The following IL13RA1 variants were observed in gnomAD, a reference collection of about 807,000 sequenced individuals.
IL13RA1 encodes interleukin 13 receptor subunit alpha 1.
A neutral mutation model predicts 33.8 loss-of-function variants in IL13RA1; 14 were observed. That is an observed-to-expected ratio of 0.41 (90% CI 0.27 to 0.65). The LOEUF (loss-of-function observed/expected upper bound fraction) is 0.65. Ranked by LOEUF, IL13RA1 falls within the 30% of genes least tolerant of loss-of-function variation. The probability of loss-of-function intolerance (pLI) is 0.28; values close to 1 mark genes in which losing one functional copy is unlikely to be tolerated. For synonymous variants in IL13RA1, 116 were observed against 115.7 expected (o/e 1.00, Z -0.02); for missense variants, 313 against 327.0 (o/e 0.96, Z 0.33).
At chrX:118,798,222 C>G (rs1037628943), downstream of IL13RA1, among the ~76,000 whole-genome samples, 1 of 111,533 alleles carries the variant, frequency 9.0e-6, no homozygotes, top group African/African-American at 3.3e-5. Flanking sequence ...TTAAAATAGT[C>G]AATATTTGCA....
intron 8 of IL13RA1, chrX:118,770,949 C>A (rs2147390292): frequency 4.2e-6 from 1 of 237,126 alleles, no homozygotes; most frequent in East Asian, 1.2e-4. Flanking sequence ...TCATCCTATT[C>A]CAACCTCTCC....
chrX:118,759,315 T>G (rs906360282), intron 5 of IL13RA1, among the ~76,000 whole-genome samples: 5 of 112,614 alleles, frequency 4.4e-5, no homozygotes, highest in Non-Finnish European at 5.6e-5. Flanking sequence ...CTAAAAAAAT[T>G]GTCATAAGGT....
chrX:118,752,047 G>T (rs1569455755), intron 4 of IL13RA1, among the ~76,000 whole-genome samples: 1 of 110,468 alleles, frequency 9.1e-6, no homozygotes, highest in Non-Finnish European at 1.9e-5. Context: ...GTTCTGTGTG[G>T]TTATGTCTGA....
At chrX:118,765,072 T>C (rs2017631809) in intron 6 of IL13RA1, among the ~76,000 whole-genome samples, 1 of 111,548 alleles carries the variant, frequency 9.0e-6, no homozygotes, top group Admixed American at 9.5e-5. Flanking sequence ...TTTAAAACTT[T>C]ATATAAATGG....
chrX:118,734,453 T>C (rs981100922), intron 1 of IL13RA1, among the ~76,000 whole-genome samples: 2 of 112,280 alleles, frequency 1.8e-5, no homozygotes, highest in Non-Finnish European at 3.8e-5. Context: ...GGGTGATGTT[T>C]ACTGTGGGTT....
chrX:118,791,095 A>AGGACC (rs995651113), intron 10 of IL13RA1, among the ~76,000 whole-genome samples: 2 of 111,321 alleles, frequency 1.8e-5, no homozygotes, highest in Non-Finnish European at 3.8e-5. Flanking sequence ...TACAGATGAG[A>AGGACC]GGACCGAGCT....
chrX:118,802,585 G>GA, the IL13RA1 span, among the ~76,000 whole-genome samples: 4 of 110,661 alleles, frequency 3.6e-5, no homozygotes, highest in Non-Finnish European at 5.7e-5. Context: ...GCTCACTTGT[G>GA]AAAAAAAAGG....
chrX:118,729,215 C>G (rs1019289672), intron 1 of IL13RA1, among the ~76,000 whole-genome samples: 4 of 111,677 alleles, frequency 3.6e-5, no homozygotes, highest in African/African-American at 1.3e-4. Context: ...CAGCACCCTC[C>G]CTCCTACAGA....
chrX:118,772,653 T>A (rs2017736502), intron 8 of IL13RA1, among the ~76,000 whole-genome samples: 1 of 112,713 alleles, frequency 8.9e-6, no homozygotes, highest in African/African-American at 3.2e-5. Context: ...AACAGTTATT[T>A]GGTATTTGTC....
At chrX:118,775,319 G>C (rs1230150615) in intron 9 of IL13RA1, among the ~76,000 whole-genome samples, 1 of 111,215 alleles carries the variant, frequency 9.0e-6, no homozygotes, top group African/African-American at 3.3e-5. Context: ...GGAGGACAGA[G>C]GTTGGCCAAC....
chrX:118,773,863 G>T lies in IL13RA1; in HGVS notation c.1010-16G>T. ...TTTTATTTCTCAAGTCTTTCTGTTTGCTTTTCATTCTCCAGGTAAGAAGCG... is the reference window on the plus strand; with the variant it reads ...TTTTATTTCTCAAGTCTTTCTGTTTTCTTTTCATTCTCCAGGTAAGAAGCG... On this transcript the variant is annotated splice_polypyrimidine_tract_variant and intron_variant, in intron 8 of 10. Transcript: ENST00000371666. The T allele has an allele frequency of 1.3e-6, 1 of 771,110 alleles. No individual in the cohort carries two copies. Among genetic ancestry groups the T allele is most frequent in the South Asian group, 2.1e-5 (1 of 47,326 alleles). The allele number at this position is 771,110 out of a possible 1,213,427, so 63.5% of individuals were successfully genotyped here.
intron 4 of IL13RA1, among the ~76,000 whole-genome samples, chrX:118,751,919 A>G (rs1224825546): frequency 2.6e-4 from 28 of 107,905 alleles, no homozygotes; most frequent in Admixed American, 2.6e-3. Context: ...AAAAAAAAAA[A>G]GTAACACACA....
At chrX:118,762,119 C>T (rs1195351959) in intron 6 of IL13RA1, among the ~76,000 whole-genome samples, 1 of 112,359 alleles carries the variant, frequency 8.9e-6, no homozygotes, top group Non-Finnish European at 1.9e-5. Context: ...AATTAGAGGC[C>T]CTGTAGGACA....
Position 118,736,423 on chromosome X carries a change from AGGATTTGCTGTTTTTT to A in IL13RA1, c.89-4592_89-4577del, listed in dbSNP as rs754453101. Among the ~76,000 whole-genome samples, 318 of 109,908 alleles carry A rather than the reference AGGATTTGCTGTTTTTT, an allele frequency of 2.9e-3. 1 individual carries two copies. The highest frequency in any genetic ancestry group is 0.01 in the African/African-American group (305 of 30,193). ...TGGAAACCAGATTCCCCCTTCCCCC[AGGATTTGCTGTTTTTT>A]GTTATTGTTTTGTTTATTGTCTTTA... On this transcript the variant is annotated intron_variant, in intron 1 of 10. Transcript: ENST00000371666.
Position 118,776,525 on chromosome X carries a change from T to G in IL13RA1, c.1191+14T>G. 1.8e-6 allele frequency: 1 copy of G among 543,290 alleles called. No homozygotes were observed. Among genetic ancestry groups the G allele is most frequent in the Middle Eastern group, 3.5e-4 (1 of 2,826 alleles). The allele number at this position is 543,290 out of a possible 1,213,427, so 44.8% of individuals were successfully genotyped here. A position where few individuals can be genotyped will look rare whatever the true frequency, so the allele number is the denominator to read the frequency against. On this transcript the variant is annotated intron_variant, in intron 10 of 10. Transcript: ENST00000371666. ...GATGATACTCTGGTAAGAACAGATT[T>G]CATGGGGCTTGAAATGTTTTTTTTT...
intron 10 of IL13RA1, 35 bp from the exon 11 acceptor site, chrX:118,791,727 T>C (rs1180691731): frequency 8.1e-6 from 5 of 619,166 alleles, no homozygotes; most frequent in Non-Finnish European, 1.3e-5. Context: ...TGTTTAGATA[T>C]GTCATTGTGT....
chrX:118,747,016 A>G lies in IL13RA1; in HGVS notation c.291A>G (p.Gln97=). The change falls in exon 3 of 11, where the codon CAA becomes CAG. Residue 97 remains glutamine (Q), a synonymous_variant. Coordinates refer to ENST00000371666, the MANE Select transcript of IL13RA1 (RefSeq NM_001560.3). ...EVPLNERICL[Q]VGSQCSTNES... ...CCCTGAATGAGAGGATTTGTCTGCA[A>G]GTGGGGTCCCAGTGTAGCACCAATG... 1 of 1,153,736 alleles carries G rather than the reference A, an allele frequency of 8.7e-7. No homozygotes were observed. Among genetic ancestry groups the G allele is most frequent in the East Asian group, 3.0e-5 (1 of 33,621 alleles).
At chrX:118,782,832 G>T (rs1275995641) in intron 10 of IL13RA1, among the ~76,000 whole-genome samples, 1 of 109,595 alleles carries the variant, frequency 9.1e-6, no homozygotes, top group Non-Finnish European at 1.9e-5. Flanking sequence ...AAACTCCTGG[G>T]CTCAAATGAT....
intron 10 of IL13RA1, among the ~76,000 whole-genome samples, chrX:118,779,744 G>A (rs1242411336): frequency 8.9e-6 from 1 of 111,952 alleles, no homozygotes; most frequent in Non-Finnish European, 1.9e-5. Context: ...GGTAGCAGAG[G>A]AGATTGACGT....
Sources: gnomAD v4.1 joint callset for allele counts (sites outside exome capture counted in the v4.1 genomes callset) on GRCh38, gnomAD v4.1.1 for gene constraint, MANE v1.5 for transcripts, NCBI Gene and HGNC (gene_info 2026-07-23, HGNC 2026-07-21) for gene names.